Variants in SYNDIG1L observed in about 807,000 individuals in gnomAD.
The protein encoded by SYNDIG1L is synapse differentiation-inducing gene protein 1-like.
In SYNDIG1L, 13 loss-of-function variants were observed where a neutral mutation model predicts 20.1. That is an observed-to-expected ratio of 0.65 (90% CI 0.42 to 1.03). SYNDIG1L has a LOEUF of 1.03. Among genes scored for constraint, SYNDIG1L ranks in the 50% least tolerant of loss-of-function variants. The probability of loss-of-function intolerance (pLI) is 0.00; values close to 1 mark genes in which losing one functional copy is unlikely to be tolerated. For synonymous variants in SYNDIG1L, 128 were observed against 129.3 expected (o/e 0.99, Z 0.07); for missense variants, 294 against 305.1 (o/e 0.96, Z 0.27).
chr14:74,407,401 G>A lies in SYNDIG1L; in HGVS notation c.*134C>T. 8 of 1,261,932 alleles carry A rather than the reference G, an allele frequency of 6.3e-6. No individual in the cohort carries two copies. The highest frequency in any genetic ancestry group is 8.8e-6 in the Non-Finnish European group (8 of 910,928). The allele number at this position is 1,261,932 out of a possible 1,614,324, so 78.2% of individuals were successfully genotyped here. ...GGCTGAGCTCTGCAGGCTGTGGAAT[G>A]GGGGTCTCCCCCTCAGCAAGCCACT... On this transcript the variant is annotated 3_prime_UTR_variant, in exon 4 of 4. Transcript: ENST00000331628.
chr14:74,441,101 C>G, the SYNDIG1L span, among the ~76,000 whole-genome samples: 27 of 152,350 alleles, frequency 1.8e-4, no homozygotes, highest in Middle Eastern at 6.8e-3. Flanking sequence ...TGGTTCAAGT[C>G]AGAAGCAGCC....
chr14:74,446,728 T>C, the SYNDIG1L span, among the ~76,000 whole-genome samples: 1 of 151,646 alleles, frequency 6.6e-6, no homozygotes. Flanking sequence ...GCAATTCTCC[T>C]GCCTCTGCCT....
At chr14:74,457,634 C>T in the SYNDIG1L span, among the ~76,000 whole-genome samples, 7 of 151,780 alleles carry the variant, frequency 4.6e-5, no homozygotes, top group Admixed American at 6.6e-5. Context: ...TGTTCCTGGA[C>T]GCAGGATTTC....
chr14:74,427,635 C>G (rs1269062373), upstream of SYNDIG1L, among the ~76,000 whole-genome samples: 1 of 152,162 alleles, frequency 6.6e-6, no homozygotes, highest in African/African-American at 2.4e-5. Flanking sequence ...CCTGTCTCTG[C>G]CCCATTAGTG....
chr14:74,451,984 T>TA, the SYNDIG1L span, among the ~76,000 whole-genome samples: 3,212 of 65,268 alleles, frequency 0.049, 96 homozygotes, highest in African/African-American at 0.07. Flanking sequence ...AGACTTTGTC[T>TA]AAAAAAAAAA....
At chr14:74,475,864 A>G in the SYNDIG1L span, among the ~76,000 whole-genome samples, 2 of 152,190 alleles carry the variant, frequency 1.3e-5, no homozygotes, top group Admixed American at 6.5e-5. Context: ...TCCATTTGCC[A>G]GTGGTTCTTC....
chr14:74,446,424 T>G, the SYNDIG1L span, among the ~76,000 whole-genome samples: 2 of 152,068 alleles, frequency 1.3e-5, no homozygotes, highest in African/African-American at 4.8e-5. Flanking sequence ...AAAAATTCAA[T>G]TAATGCAAAA....
chr14:74,423,201 C>T (rs2086237961), intron 1 of SYNDIG1L, among the ~76,000 whole-genome samples: 1 of 152,066 alleles, frequency 6.6e-6, no homozygotes, highest in South Asian at 2.1e-4. Flanking sequence ...GGTAGTTTTC[C>T]CCGGTCAGGA....
At chr14:74,411,344 G>A (rs927220070) in intron 1 of SYNDIG1L, among the ~76,000 whole-genome samples, 1 of 152,028 alleles carries the variant, frequency 6.6e-6, no homozygotes, top group Admixed American at 6.5e-5. Flanking sequence ...GGCTGCTGCC[G>A]CCCTGACTTC....
chr14:74,407,918 T>A lies in SYNDIG1L; in HGVS notation c.489A>T (p.Gly163=). The A allele has an allele frequency of 1.2e-6, 2 of 1,613,710 alleles. No individual in the cohort carries two copies. The highest frequency in any genetic ancestry group is 2.2e-5 in the South Asian group (2 of 91,046). ...FLTLPPRDHL[G]LTLFSMLCCF... is the part of the protein sequence containing the mutation. ...AGCAGAGCATGGAGAAGAGAGTAAG[T>A]CCCAGGTGGTCCCTGGGAGGCAGCG... Residue 163 remains glycine, a synonymous_variant, in exon 3 of 4, where the codon GGA becomes GGT. Transcript: ENST00000331628.
chr14:74,408,393 C>G (rs1454968043), intron 2 of SYNDIG1L, among the ~76,000 whole-genome samples: 1 of 151,964 alleles, frequency 6.6e-6, no homozygotes, highest in Non-Finnish European at 1.5e-5. Context: ...ATGAAACTCC[C>G]TCTCTACTGA....
At chr14:74,420,605 AC>A (rs1375669852) in intron 1 of SYNDIG1L, among the ~76,000 whole-genome samples, 2 of 152,166 alleles carry the variant, frequency 1.3e-5, no homozygotes, top group Non-Finnish European at 2.9e-5. Context: ...AGGCCATGCA[AC>A]CACCTGAGAC....
chr14:74,463,868 G>A, the SYNDIG1L span, among the ~76,000 whole-genome samples: 2 of 152,172 alleles, frequency 1.3e-5, no homozygotes, highest in South Asian at 2.1e-4. Flanking sequence ...TGATCAGCCT[G>A]CTTTAGAAAG....
At chr14:74,461,395 A>T in the SYNDIG1L span, among the ~76,000 whole-genome samples, 1 of 152,338 alleles carries the variant, frequency 6.6e-6, no homozygotes, top group African/African-American at 2.4e-5. Flanking sequence ...CGAGAAAATA[A>T]GATATTTGGC....
chr14:74,429,104 G>T (rs1179139564), upstream of SYNDIG1L, among the ~76,000 whole-genome samples: 2 of 152,080 alleles, frequency 1.3e-5, no homozygotes, highest in Non-Finnish European at 2.9e-5. Context: ...CTCCCATCTT[G>T]TCTTGATTAT....
chr14:74,441,422 G>C, the SYNDIG1L span, among the ~76,000 whole-genome samples: 1 of 152,200 alleles, frequency 6.6e-6, no homozygotes, highest in Non-Finnish European at 1.5e-5. Flanking sequence ...TTTGGGGCTA[G>C]GAGTTCTAAC....
At chr14:74,413,136 G>A (rs888963003) in intron 1 of SYNDIG1L, among the ~76,000 whole-genome samples, 1 of 152,178 alleles carries the variant, frequency 6.6e-6, no homozygotes, top group East Asian at 1.9e-4. Flanking sequence ...CTGAATCCCA[G>A]TTCTTCCCCC....
chr14:74,422,653 T>TCACACACACACACA (rs34711949), intron 1 of SYNDIG1L, among the ~76,000 whole-genome samples: 13,138 of 140,188 alleles, frequency 0.094, 713 homozygotes, highest in Middle Eastern at 0.2. Context: ...ATCTCTCTCT[T>TCACACACACACACA]CACACACACA....
At chr14:74,410,847 G>A (rs2086125042) in intron 1 of SYNDIG1L, among the ~76,000 whole-genome samples, 1 of 152,080 alleles carries the variant, frequency 6.6e-6, no homozygotes. Flanking sequence ...AGGCAAATTG[G>A]GACTTTGAGA....
Sources: allele counts gnomAD v4.1 joint callset (sites outside exome capture counted in the v4.1 genomes callset), GRCh38; gene constraint gnomAD v4.1.1; transcripts MANE v1.5; gene names NCBI Gene and HGNC (gene_info 2026-07-23, HGNC 2026-07-21).